The following GRM8 variants were observed in gnomAD, a reference collection of about 807,000 sequenced individuals.
The protein encoded by GRM8 is glutamate metabotropic receptor 8.
GRM8 carries 47 observed loss-of-function variants against 87.2 expected under a neutral mutation model. That is an observed-to-expected ratio of 0.54 (90% confidence interval 0.43 to 0.69). GRM8 has a LOEUF of 0.69. GRM8 is among the 30% of genes least tolerant of loss of function. The pLI, the probability that GRM8 is intolerant of heterozygous loss-of-function variation, is 0.00. For missense variants in GRM8, 1,019 were observed against 1,139.2 expected, an observed-to-expected ratio of 0.89 and a Z score of 1.52; for synonymous variants, 396 against 404.5, an observed-to-expected ratio of 0.98 and a Z score of 0.25.
intron 3 of GRM8, among the ~76,000 whole-genome samples, chr7:126,950,820 C>G (rs1166035022): frequency 6.6e-6 from 1 of 152,022 alleles, no homozygotes; most frequent in Non-Finnish European, 1.5e-5. Flanking sequence ...TTGTAAAAGT[C>G]AAAAACTTTT....
At position 127,179,447 on chromosome 7, in the gene GRM8, A is replaced by G. The variant is rs185056487; in HGVS notation, c.510+63248T>C. Among the ~76,000 whole-genome samples, 510 of 152,330 alleles carry G rather than the reference A, an allele frequency of 3.3e-3. 1 individual carries two copies. The highest frequency in any genetic ancestry group is 0.011 in the African/African-American group (475 of 41,578). The stretch of plus-strand genomic sequence containing the variant: ...ACAGCACTAGACAGGTTATCAAGAC[A>G]GAAAGACAACAAAGAAACAATGGAT... On this transcript the variant is annotated intron_variant, in intron 2 of 10. Coordinates refer to ENST00000339582, the MANE Select transcript of GRM8 (RefSeq NM_000845.3).
intron 7 of GRM8, among the ~76,000 whole-genome samples, chr7:126,677,223 G>A (rs1807051284): frequency 6.6e-6 from 1 of 152,122 alleles, no homozygotes; most frequent in Non-Finnish European, 1.5e-5. Context: ...CAGATGTAGT[G>A]AAAGGGAACA....
intron 3 of GRM8, among the ~76,000 whole-genome samples, chr7:127,005,921 C>A (rs532948868): frequency 3.2e-4 from 49 of 151,686 alleles, no homozygotes; most frequent in Non-Finnish European, 6.8e-4. Context: ...TTAGAAAGAC[C>A]TCCCCACCAC....
At chr7:127,023,452 A>C (rs1378857341) in intron 3 of GRM8, among the ~76,000 whole-genome samples, 1 of 152,062 alleles carries the variant, frequency 6.6e-6, no homozygotes, top group Non-Finnish European at 1.5e-5. Context: ...CAGTATGCAA[A>C]AGGGACAGAC....
intron 7 of GRM8, among the ~76,000 whole-genome samples, chr7:126,662,275 G>A (rs1160676155): frequency 6.6e-6 from 1 of 152,184 alleles, no homozygotes; most frequent in Non-Finnish European, 1.5e-5. Flanking sequence ...TGGCCACCAA[G>A]TAGATTGGGA....
At chr7:126,478,652 A>G (rs772277517) in intron 9 of GRM8, among the ~76,000 whole-genome samples, 4 of 152,152 alleles carry the variant, frequency 2.6e-5, no homozygotes, top group Admixed American at 6.6e-5. Context: ...TAGCCAAATG[A>G]TATGAGCATG....
intron 3 of GRM8, among the ~76,000 whole-genome samples, chr7:127,077,790 CTCCTT>C (rs1164092484): frequency 6.6e-6 from 1 of 152,194 alleles, no homozygotes; most frequent in Admixed American, 6.5e-5. Flanking sequence ...CCCCTTTCTC[CTCCTT>C]TCAAGATTGC....
At chr7:126,915,163 C>A (rs970857186) in intron 3 of GRM8, among the ~76,000 whole-genome samples, 18 of 152,148 alleles carry the variant, frequency 1.2e-4, no homozygotes, top group African/African-American at 4.3e-4. Flanking sequence ...TGAATCTCGT[C>A]TCTAGGGTCA....
intron 6 of GRM8, among the ~76,000 whole-genome samples, chr7:126,803,389 C>T (rs1339985616): frequency 6.6e-6 from 1 of 152,236 alleles, no homozygotes; most frequent in African/African-American, 2.4e-5. Flanking sequence ...TACACAGCCT[C>T]CAGCACTTAG....
chr7:126,739,864 T>C (rs1447844002), intron 7 of GRM8, among the ~76,000 whole-genome samples: 1 of 152,054 alleles, frequency 6.6e-6, no homozygotes, highest in East Asian at 1.9e-4. Context: ...ACTAATACAA[T>C]TGCCTACAGT....
intron 6 of GRM8, among the ~76,000 whole-genome samples, chr7:126,847,767 C>G (rs1004441800): frequency 2.6e-5 from 4 of 152,154 alleles, no homozygotes; most frequent in Admixed American, 1.3e-4. Context: ...TGATCACAAG[C>G]CTTCCCAGAT....
At chr7:126,822,150 TTA>T (rs1794352918) in intron 6 of GRM8, among the ~76,000 whole-genome samples, 1 of 152,182 alleles carries the variant, frequency 6.6e-6, no homozygotes, top group African/African-American at 2.4e-5. Context: ...TTTGTAAGAA[TTA>T]TATCCTCTCA....
At position 126,597,090 on chromosome 7, in the gene GRM8, A is replaced by T. The variant is rs139344144; in HGVS notation, c.1494+12272T>A. ...TTATTTTATACCTCAAACCCCTGAG[A>T]TTATACACAATTGCATATTTCTGTA... On this transcript the variant is annotated intron_variant, in intron 8 of 10. Transcript: ENST00000339582. 5.4e-3 allele frequency among the ~76,000 whole-genome samples: 815 copies of T among 152,256 alleles called. 5 individuals are homozygous for T. Among genetic ancestry groups the T allele is most frequent in the Non-Finnish European group, 8.9e-3 (608 of 67,982 alleles).
chr7:126,989,608 C>T (rs1406348958), intron 3 of GRM8, among the ~76,000 whole-genome samples: 1 of 152,090 alleles, frequency 6.6e-6, no homozygotes, highest in African/African-American at 2.4e-5. Context: ...GTATCCACTT[C>T]AAGGGCATGT....
intron 2 of GRM8, among the ~76,000 whole-genome samples, chr7:127,226,323 T>C (rs887286969): frequency 6.6e-6 from 1 of 152,184 alleles, no homozygotes; most frequent in Non-Finnish European, 1.5e-5. Flanking sequence ...TTCCAATTAT[T>C]CCTTCTCCTT....
chr7:127,232,405 A>AT (rs988267454), intron 2 of GRM8, among the ~76,000 whole-genome samples: 7 of 151,920 alleles, frequency 4.6e-5, no homozygotes, highest in Non-Finnish European at 1.0e-4. Context: ...TAATTCTTGT[A>AT]TTTTTTATAG....
chr7:126,691,378 A>C (rs866240242), intron 7 of GRM8, among the ~76,000 whole-genome samples: 46 of 152,234 alleles, frequency 3.0e-4, no homozygotes, highest in Middle Eastern at 3.4e-3. Flanking sequence ...GGTACTTCTG[A>C]TCCTGCAGGG....
intron 6 of GRM8, among the ~76,000 whole-genome samples, chr7:126,787,018 T>A (rs1010126833): frequency 6.6e-6 from 1 of 152,206 alleles, no homozygotes; most frequent in Admixed American, 6.5e-5. Flanking sequence ...AACCTAGTAA[T>A]GAGGGAGGCT....
At chr7:127,139,374 T>G (rs1039893936) in intron 2 of GRM8, among the ~76,000 whole-genome samples, 7 of 152,152 alleles carry the variant, frequency 4.6e-5, no homozygotes, top group Admixed American at 2.0e-4. Context: ...ACAGTCACAG[T>G]ACCTCATAGT....
Sources: gnomAD v4.1 joint callset for allele counts (sites outside exome capture counted in the v4.1 genomes callset) on GRCh38, gnomAD v4.1.1 for gene constraint, MANE v1.5 for transcripts, NCBI Gene and HGNC (gene_info 2026-07-23, HGNC 2026-07-21) for gene names.